Variants in GRM1 observed in about 807,000 individuals in gnomAD.
The protein encoded by GRM1 is glutamate metabotropic receptor 1.
GRM1 carries 33 observed loss-of-function variants against 90.9 expected under a neutral mutation model. The observed-to-expected ratio is 0.36, with a 90% CI of 0.28 to 0.49. GRM1 has a LOEUF of 0.49. Among genes scored for constraint, GRM1 ranks in the 20% least tolerant of loss-of-function variants. The probability of loss-of-function intolerance (pLI) is 0.99; values close to 1 mark genes in which losing one functional copy is unlikely to be tolerated. For synonymous variants in GRM1, 700 were observed against 613.2 expected (o/e 1.14, Z -2.09); for missense variants, 1,190 against 1,534.3 (o/e 0.78, Z 3.75).
chr6:146,385,306 G>T (rs1028875180), intron 5 of GRM1, among the ~76,000 whole-genome samples: 2 of 151,840 alleles, frequency 1.3e-5, no homozygotes, highest in Non-Finnish European at 2.9e-5. Context: ...CTATAGGTGA[G>T]ACAAGAAAGA....
intron 7 of GRM1, among the ~76,000 whole-genome samples, chr6:146,409,755 T>C (rs1430343693): frequency 6.6e-6 from 1 of 152,174 alleles, no homozygotes; most frequent in Non-Finnish European, 1.5e-5. Flanking sequence ...ATAATAACAT[T>C]TTATTTCAAC....
At chr6:146,055,015 T>C (rs760522272) in intron 1 of GRM1, among the ~76,000 whole-genome samples, 2 of 151,960 alleles carry the variant, frequency 1.3e-5, no homozygotes, top group South Asian at 2.1e-4. Context: ...AATGGGGCGA[T>C]TTGCCTTGGG....
intron 2 of GRM1, among the ~76,000 whole-genome samples, chr6:146,162,117 C>T (rs937389136): frequency 1.3e-5 from 2 of 152,168 alleles, no homozygotes; most frequent in African/African-American, 4.8e-5. Context: ...AATATATCTC[C>T]CTCCCTTTCT....
intron 2 of GRM1, among the ~76,000 whole-genome samples, chr6:146,252,722 T>C (rs1781339795): frequency 6.6e-6 from 1 of 152,138 alleles, no homozygotes; most frequent in East Asian, 1.9e-4. Flanking sequence ...GCAAAAGCAC[T>C]GATACAAAAC....
intron 2 of GRM1, among the ~76,000 whole-genome samples, chr6:146,302,671 A>G (rs1429999643): frequency 6.6e-6 from 1 of 151,608 alleles, no homozygotes; most frequent in African/African-American, 2.4e-5. Context: ...GATTAAAGGC[A>G]CTTCTTTTTC....
Position 146,399,652 on chromosome 6 carries a change from T to G in GRM1, c.2613T>G (p.Thr871=). ...GDGKLPCRSN[T]FLNIFRRKKA... Reference sequence around the variant, plus strand: ...GCAAGCTGCCCTGCCGCTCCAACACTTTCCTCAACATCTTCCGAAGAAAGA... The same window carrying G: ...GCAAGCTGCCCTGCCGCTCCAACACGTTCCTCAACATCTTCCGAAGAAAGA... The change falls in exon 7 of 8, where the codon ACT becomes ACG. Residue 871 remains threonine, a synonymous_variant. Transcript: ENST00000282753. This position sits in a 1 kb window ranked among gnomAD's most constrained non-coding sequence, Gnocchi z 5.4. 3 of 1,614,070 alleles carry G rather than the reference T, an allele frequency of 1.9e-6. No homozygotes were observed. Among genetic ancestry groups the G allele is most frequent in the Non-Finnish European group, 2.5e-6 (3 of 1,180,002 alleles).
At chr6:146,366,872 T>C (rs536914682) in intron 5 of GRM1, among the ~76,000 whole-genome samples, 4 of 152,310 alleles carry the variant, frequency 2.6e-5, no homozygotes, top group Non-Finnish European at 5.9e-5. Context: ...GTGTTAATTG[T>C]TTCCTTTGCT....
intron 2 of GRM1, among the ~76,000 whole-genome samples, chr6:146,175,372 T>C (rs745490321): frequency 2.0e-5 from 3 of 152,226 alleles, no homozygotes; most frequent in Non-Finnish European, 4.4e-5. Flanking sequence ...GTGTTATCAC[T>C]TGAGTTTTCG....
chr6:146,101,549 C>T (rs117297128), intron 1 of GRM1, among the ~76,000 whole-genome samples: 1 of 152,126 alleles, frequency 6.6e-6, no homozygotes, highest in Non-Finnish European at 1.5e-5. Flanking sequence ...TTCAGCCAGT[C>T]ATTTTCCAAC....
chr6:146,400,558 C>T (rs2114589215), intron 7 of GRM1, among the ~76,000 whole-genome samples: 1 of 152,240 alleles, frequency 6.6e-6, no homozygotes, highest in Non-Finnish European at 1.5e-5. Flanking sequence ...ATAATAAGCA[C>T]TTTCCTATCC....
intron 5 of GRM1, among the ~76,000 whole-genome samples, chr6:146,368,919 T>G (rs1283273917): frequency 1.3e-5 from 2 of 152,008 alleles, no homozygotes; most frequent in African/African-American, 4.8e-5. Context: ...TTGAGAATAA[T>G]TAATACTGGT....
intron 1 of GRM1, among the ~76,000 whole-genome samples, chr6:146,044,697 T>A (rs1183634203): frequency 1.3e-5 from 2 of 151,950 alleles, no homozygotes; most frequent in African/African-American, 2.4e-5. Context: ...TTGGTCTATG[T>A]CAGTACATGC....
chr6:146,112,588 T>C (rs2128874308), intron 1 of GRM1, among the ~76,000 whole-genome samples: 1 of 152,338 alleles, frequency 6.6e-6, no homozygotes, highest in Middle Eastern at 3.4e-3. Context: ...TAAAGGTTTC[T>C]TCCTGAATGG....
chr6:146,239,328 A>G (rs1343739910), intron 2 of GRM1, among the ~76,000 whole-genome samples: 2 of 152,182 alleles, frequency 1.3e-5, no homozygotes, highest in Non-Finnish European at 2.9e-5. Flanking sequence ...TTTAGGCTGT[A>G]GGTCATGGCA....
At chr6:146,256,959 G>A (rs999742225) in intron 2 of GRM1, among the ~76,000 whole-genome samples, 1 of 152,076 alleles carries the variant, frequency 6.6e-6, no homozygotes, top group Non-Finnish European at 1.5e-5. Flanking sequence ...TGCTCCAGAT[G>A]AGCTAGATGT....
At chr6:146,370,456 G>A (rs561817244) in intron 5 of GRM1, among the ~76,000 whole-genome samples, 2 of 152,116 alleles carry the variant, frequency 1.3e-5, no homozygotes, top group East Asian at 1.9e-4. Flanking sequence ...GGTGAATGAA[G>A]GAATTAATGA....
At chr6:146,131,222 T>C (rs182074920) in intron 1 of GRM1, among the ~76,000 whole-genome samples, 9 of 152,312 alleles carry the variant, frequency 5.9e-5, no homozygotes, top group Admixed American at 5.9e-4. Context: ...ATGATGAATT[T>C]GTCTGTACTG....
intron 2 of GRM1, among the ~76,000 whole-genome samples, chr6:146,291,106 G>A (rs533562715): frequency 6.6e-6 from 1 of 152,192 alleles, no homozygotes; most frequent in East Asian, 1.9e-4. Flanking sequence ...ATTGGCATTT[G>A]CCTTAAATTA....
intron 1 of GRM1, among the ~76,000 whole-genome samples, chr6:146,071,079 C>A (rs754517902): frequency 1.6e-4 from 24 of 152,122 alleles, no homozygotes; most frequent in Non-Finnish European, 3.1e-4. Context: ...TTTGATCATG[C>A]TGTTCTTGTC....
Sources: gnomAD v4.1 joint callset for allele counts (sites outside exome capture counted in the v4.1 genomes callset) on GRCh38, gnomAD v4.1.1 for gene constraint, Gnocchi (gnomAD v3.1) non-coding constraint, MANE v1.5 for transcripts, NCBI Gene and HGNC (gene_info 2026-07-23, HGNC 2026-07-21) for gene names.